IL1RL2: variants seen among roughly 807,000 people sequenced by gnomAD.
IL1RL2 encodes interleukin 1 receptor like 2, also known as interleukin-1 receptor-like 2.
IL1RL2 carries 68 observed loss-of-function variants against 66.8 expected under a neutral mutation model. The ratio of observed to expected loss-of-function variants is 1.02; its 90% CI spans 0.84 to 1.25. IL1RL2 has a LOEUF of 1.25. Among genes scored for constraint, IL1RL2 ranks in the 50% most tolerant of loss-of-function variants. IL1RL2 has a pLI of 0.00. For missense variants in IL1RL2, 729 were observed against 709.3 expected, an observed-to-expected ratio of 1.03 and a Z score of -0.32; for synonymous variants, 305 against 264.6, an observed-to-expected ratio of 1.15 and a Z score of -1.48.
At chr2:102,205,603 T>C (rs1368147711) in intron 5 of IL1RL2, among the ~76,000 whole-genome samples, 1 of 152,224 alleles carries the variant, frequency 6.6e-6, no homozygotes, top group Non-Finnish European at 1.5e-5. Context: ...TGCTGCTAGA[T>C]GTATTAGAGC....
rs1471945484 is a variant in IL1RL2, at chr2:102,187,055, C to T, written c.-44C>T. The stretch of plus-strand genomic sequence containing the variant: ...TCCCTGTCATATTTTCCACTCTCCA[C>T]GAGGTCCTGCGCGCTTCAATCCTGC... On this transcript the variant is annotated 5_prime_UTR_variant, in exon 1 of 12. It adds an upstream start codon to the 5' untranslated region. Coordinates refer to ENST00000264257, the MANE Select transcript of IL1RL2 (RefSeq NM_003854.4). 10 of 1,289,860 alleles carry T rather than the reference C, an allele frequency of 7.8e-6. No individual in the cohort carries two copies. The highest frequency in any genetic ancestry group is 1.0e-5 in the Non-Finnish European group (10 of 988,870). The allele number at this position is 1,289,860 out of a possible 1,614,324, so 79.9% of individuals were successfully genotyped here. A position where few individuals can be genotyped will look rare whatever the true frequency, so the allele number is the denominator to read the frequency against.
In IL1RL2 at chr2:102,191,937, C is replaced by T; in HGVS notation, c.306C>T (p.Ser102=). ...ATCTGTCTTACAGGGGTAGAGACAGCTGTCATAGAATACATGTAAACCTAA... is the reference window on the plus strand; with the variant it reads ...ATCTGTCTTACAGGGGTAGAGACAGTTGTCATAGAATACATGTAAACCTAA... ...VYQCVIKGRD[S]CHRIHVNLTV... is the part of the protein sequence containing the mutation. The change falls in exon 4 of 12, where the codon AGC becomes AGT. Residue 102 remains serine, a synonymous_variant. Coordinates refer to ENST00000264257, the MANE Select transcript of IL1RL2 (RefSeq NM_003854.4). 1.2e-6 allele frequency: 2 copies of T among 1,607,034 alleles called. No homozygotes were observed. Among genetic ancestry groups the T allele is most frequent in the Non-Finnish European group, 1.7e-6 (2 of 1,176,158 alleles).
intron 9 of IL1RL2, among the ~76,000 whole-genome samples, chr2:102,227,116 T>A (rs545600213): frequency 2.0e-5 from 3 of 152,328 alleles, no homozygotes; most frequent in South Asian, 4.1e-4. Context: ...TTAGAACAGA[T>A]ACAATCTATT....
chr2:102,234,369 T>C (rs899062043), intron 10 of IL1RL2, among the ~76,000 whole-genome samples: 1 of 152,114 alleles, frequency 6.6e-6, no homozygotes, highest in Non-Finnish European at 1.5e-5. Flanking sequence ...CAAAACATGA[T>C]TCATGACTAT....
intron 11 of IL1RL2, among the ~76,000 whole-genome samples, chr2:102,237,253 A>ATT (rs1377142477): frequency 6.6e-6 from 1 of 152,112 alleles, no homozygotes; most frequent in Non-Finnish European, 1.5e-5. Flanking sequence ...GGGTGGGTGT[A>ATT]TTCCCCAAAT....
chr2:102,233,414 G>T (rs1032171754), intron 10 of IL1RL2, among the ~76,000 whole-genome samples: 1 of 152,250 alleles, frequency 6.6e-6, no homozygotes, highest in Non-Finnish European at 1.5e-5. Flanking sequence ...ACAGAAACAG[G>T]TGGCCAGTGA....
chr2:102,241,365 T>C (rs550418815), downstream of IL1RL2, among the ~76,000 whole-genome samples: 1 of 152,254 alleles, frequency 6.6e-6, no homozygotes, highest in South Asian at 2.1e-4. Flanking sequence ...GTCGGGCCCC[T>C]GGACTCCAGT....
intron 8 of IL1RL2, among the ~76,000 whole-genome samples, chr2:102,224,472 A>C (rs1017131663): frequency 1.3e-5 from 2 of 152,200 alleles, no homozygotes; most frequent in Admixed American, 6.5e-5. Context: ...CAGGCACAGA[A>C]AGACACATAT....
intron 10 of IL1RL2, 45 bp downstream of exon 10, chr2:102,233,169 A>G (rs1477465408): frequency 2.0e-6 from 3 of 1,512,746 alleles, no homozygotes; most frequent in Non-Finnish European, 2.7e-6. Context: ...AAAGAAGGAA[A>G]GCGACCCCTC....
chr2:102,201,776 C>T (rs1243395204), intron 5 of IL1RL2, 61 bp downstream of exon 5: 1 of 1,539,018 alleles, frequency 6.5e-7, no homozygotes, highest in Non-Finnish European at 8.9e-7. Flanking sequence ...GAACTGGCTT[C>T]TGGCTTTGGG....
At chr2:102,192,168 C>A (rs753530110) in intron 4 of IL1RL2, 48 bp downstream of exon 4, 4 of 1,317,428 alleles carry the variant, frequency 3.0e-6, no homozygotes, top group South Asian at 1.5e-5. Context: ...TTCTTTAAAA[C>A]CCACTGTTTT....
chr2:102,195,645 C>CTCTCTCTTTCTT (rs1559530440), intron 4 of IL1RL2, among the ~76,000 whole-genome samples: 8 of 20,258 alleles, frequency 3.9e-4, no homozygotes, highest in African/African-American at 9.1e-4. Context: ...CTCTCTCTCT[C>CTCTCTCTTTCTT]TCTTTCTTTC....
intron 6 of IL1RL2, among the ~76,000 whole-genome samples, chr2:102,212,806 A>G (rs1689287441): frequency 6.6e-6 from 1 of 152,064 alleles, no homozygotes; most frequent in South Asian, 2.1e-4. Flanking sequence ...GTCTTTACTA[A>G]AAAATACAAA....
intron 3 of IL1RL2, 35 bp downstream of exon 3, chr2:102,189,345 T>C (rs1269939334): frequency 8.1e-6 from 10 of 1,240,820 alleles, no homozygotes; most frequent in Non-Finnish European, 9.1e-6. Context: ...CTAACTCGTG[T>C]GTGTATGTAT....
At chr2:102,210,038 TG>T (rs1405334206) in intron 5 of IL1RL2, among the ~76,000 whole-genome samples, 3 of 137,164 alleles carry the variant, frequency 2.2e-5, no homozygotes. Flanking sequence ...ATAGGGAAGA[TG>T]AAAGCGTGAA....
At chr2:102,230,282 AT>A (rs1676246794) in intron 9 of IL1RL2, among the ~76,000 whole-genome samples, 1 of 152,212 alleles carries the variant, frequency 6.6e-6, no homozygotes, top group South Asian at 2.1e-4. Flanking sequence ...TGGAAAAAAA[AT>A]CCTCTGGCTT....
At chr2:102,220,244 T>C (rs758274791) in intron 8 of IL1RL2, among the ~76,000 whole-genome samples, 1 of 152,246 alleles carries the variant, frequency 6.6e-6, no homozygotes, top group African/African-American at 2.4e-5. Context: ...ATATTTTCAA[T>C]ACATCCAGAT....
chr2:102,187,917 T>C lies in IL1RL2; in HGVS notation c.50T>C (p.Val17Ala). Residue 17 changes from valine (V) to alanine (A), a missense_variant, in exon 2 of 12, where the codon GTC becomes GCC. By Grantham distance (64) the Val-to-Ala change is moderately conservative. Coordinates refer to ENST00000264257, the MANE Select transcript of IL1RL2 (RefSeq NM_003854.4). ...TTGTCCATCGCCCTTCCACTGTCTG[T>C]CACAGCAGGTACGTTCCGTGTGTCC... ...CGLSIALPLS[V>A]TADGCKDIFM... The C allele has an allele frequency of 6.2e-7, 1 of 1,614,088 alleles. No individual in the cohort carries two copies.
intron 5 of IL1RL2, among the ~76,000 whole-genome samples, chr2:102,206,077 C>T (rs919280538): frequency 2.0e-5 from 3 of 152,012 alleles, no homozygotes; most frequent in African/African-American, 7.2e-5. Flanking sequence ...TCCAGAATTT[C>T]TGCTTGATTT....
Sources: gnomAD v4.1 joint callset for allele counts (sites outside exome capture counted in the v4.1 genomes callset) on GRCh38, gnomAD v4.1.1 for gene constraint, MANE v1.5 for transcripts, NCBI Gene and HGNC (gene_info 2026-07-23, HGNC 2026-07-21) for gene names.